Variants in SLC4A8 observed in about 807,000 individuals in gnomAD.
SLC4A8 encodes the protein solute carrier family 4 member 8.
In SLC4A8, 40 loss-of-function variants were observed where a neutral mutation model predicts 125.0. The ratio of observed to expected loss-of-function variants is 0.32; its 90% CI spans 0.25 to 0.42. The LOEUF (loss-of-function observed/expected upper bound fraction) is 0.42. SLC4A8 is among the 10% of genes least tolerant of loss of function. The pLI is 1.00. For synonymous variants in SLC4A8, 456 were observed against 476.0 expected, an observed-to-expected ratio of 0.96 and a Z score of 0.55; for missense variants, 863 against 1,355.1, an observed-to-expected ratio of 0.64 and a Z score of 5.70.
chr12:51,396,421 C>G (rs1288791904), intron 1 of SLC4A8, among the ~76,000 whole-genome samples: 2 of 152,124 alleles, frequency 1.3e-5, no homozygotes, highest in Non-Finnish European at 2.9e-5. Flanking sequence ...GGGCACTTCT[C>G]TTGAGTGCAA....
intron 4 of SLC4A8, 34 bp from the exon 5 acceptor site, chr12:51,453,505 A>G (rs537402929): frequency 1.2e-6 from 2 of 1,602,462 alleles, no homozygotes; most frequent in South Asian, 1.1e-5. Context: ...CTCATTTTCT[A>G]TCTTTGGCAT....
chr12:51,458,635 T>C lies in SLC4A8; in HGVS notation c.840T>C (p.Pro280=), dbSNP rs1950228964. The change falls in exon 7 of 25, where the codon CCT becomes CCC. Residue 280 remains proline (P), a synonymous_variant. Transcript: ENST00000453097. Reference sequence around the variant, plus strand: ...ATGGAGTGAATTGTGAACATAGTCCTGTGGATTTAAGCAAGGTGAGCAGAG... The same window carrying C: ...ATGGAGTGAATTGTGAACATAGTCCCGTGGATTTAAGCAAGGTGAGCAGAG... ...VKNGVNCEHS[P]VDLSKVDLHF... 6.2e-7 allele frequency: 1 copy of C among 1,613,146 alleles called. No homozygotes were observed. Among genetic ancestry groups the C allele is most frequent in the Non-Finnish European group, 8.5e-7 (1 of 1,179,084 alleles).
chr12:51,467,085 T>A (rs1950543292), intron 11 of SLC4A8, among the ~76,000 whole-genome samples: 1 of 152,134 alleles, frequency 6.6e-6, no homozygotes, highest in Non-Finnish European at 1.5e-5. Flanking sequence ...GGTAATAAGA[T>A]GCTATGTTAG....
chr12:51,404,179 G>A (rs576710512), intron 1 of SLC4A8, among the ~76,000 whole-genome samples: 1 of 152,296 alleles, frequency 6.6e-6, no homozygotes, highest in African/African-American at 2.4e-5. Context: ...GAAGGGGTTA[G>A]ATGGCTTTGG....
chr12:51,475,429 A>C (rs1439434441), intron 16 of SLC4A8, among the ~76,000 whole-genome samples: 2 of 152,228 alleles, frequency 1.3e-5, no homozygotes, highest in Non-Finnish European at 2.9e-5. Context: ...TACAAGTGCC[A>C]GTTAAGGTTA....
Position 51,462,470 on chromosome 12 carries a change from A to G in SLC4A8, c.1248+14A>G. 1.9e-6 allele frequency: 3 copies of G among 1,544,060 alleles called. No individual in the cohort carries two copies. Among genetic ancestry groups the G allele is most frequent in the Admixed American group, 4.2e-5 (2 of 47,308 alleles). On this transcript the variant is annotated intron_variant, in intron 10 of 24. Transcript: ENST00000453097. ...GTCCCTTCCCAGGTAATGTATGCAC[A>G]TCAGCCAATGTGGCTATTGTCACTT...
At chr12:51,459,812 T>G in intron 7 of SLC4A8, 139 bp from the exon 8 acceptor site, 43 of 683,138 alleles carry the variant, frequency 6.3e-5, no homozygotes, top group Non-Finnish European at 8.7e-5. Context: ...CAGAGAGCTG[T>G]GAGCTGAGAT....
chr12:51,415,925 A>G (rs562851043), intron 1 of SLC4A8, among the ~76,000 whole-genome samples: 3 of 151,370 alleles, frequency 2.0e-5, no homozygotes, highest in Non-Finnish European at 4.4e-5. Context: ...AAAATTAAAT[A>G]TAATAATATA....
intron 1 of SLC4A8, among the ~76,000 whole-genome samples, chr12:51,406,612 G>A (rs970825440): frequency 1.3e-5 from 2 of 152,244 alleles, no homozygotes; most frequent in Non-Finnish European, 2.9e-5. Flanking sequence ...AGGTAGGTAA[G>A]TGGGAGAGAT....
At chr12:51,453,762 G>A in intron 5 of SLC4A8, 63 bp downstream of exon 5, 4 of 1,504,652 alleles carry the variant, frequency 2.7e-6, no homozygotes, top group Non-Finnish European at 3.7e-6. Context: ...TGGGAAAAAA[G>A]GAGTGTGGCG....
chr12:51,403,180 G>C, intron 1 of SLC4A8: 1 of 392,494 alleles, frequency 2.5e-6, no homozygotes, highest in Non-Finnish European at 5.3e-6. Context: ...AAGAACAACA[G>C]CAACAAACTC....
At chr12:51,432,211 A>G (rs994823075) in intron 1 of SLC4A8, among the ~76,000 whole-genome samples, 1 of 151,702 alleles carries the variant, frequency 6.6e-6, no homozygotes. Flanking sequence ...GATCGAGACC[A>G]TCCTGGCTAA....
chr12:51,468,045 T>C (rs950697025), intron 11 of SLC4A8, among the ~76,000 whole-genome samples: 1 of 152,258 alleles, frequency 6.6e-6, no homozygotes, highest in Non-Finnish European at 1.5e-5. Flanking sequence ...TCCCATTCTG[T>C]AATAGTCCCT....
Position 51,510,619 on chromosome 12 carries a change from C to T in SLC4A8, c.*3181C>T, listed in dbSNP as rs991039763. ...GCCGTCTGTAAGATGCAAGATCAATCTAGTGTTTCAGCCAGTTCACTACTG... is the reference window on the plus strand; with the variant it reads ...GCCGTCTGTAAGATGCAAGATCAATTTAGTGTTTCAGCCAGTTCACTACTG... On this transcript the variant is annotated 3_prime_UTR_variant, in exon 25 of 25. Coordinates refer to ENST00000453097, the MANE Select transcript of SLC4A8 (RefSeq NM_001039960.3). The T allele has an allele frequency of 6.6e-6, 1 of 152,266 alleles. No individual in the cohort carries two copies. Among genetic ancestry groups the T allele is most frequent in the Middle Eastern group, 3.4e-3 (1 of 294 alleles). The allele number at this position is 152,266 out of a possible 1,614,324, so 9.4% of individuals were successfully genotyped here.
intron 1 of SLC4A8, among the ~76,000 whole-genome samples, chr12:51,402,021 G>C (rs545005653): frequency 1.9e-4 from 29 of 152,212 alleles, no homozygotes; most frequent in African/African-American, 6.3e-4. Context: ...TCCTCCTTCA[G>C]CCTCCCAAAG....
chr12:51,450,864 G>C lies in SLC4A8; in HGVS notation c.131-12G>C, dbSNP rs1448091302. On this transcript the variant is annotated splice_polypyrimidine_tract_variant and intron_variant, in intron 2 of 24. Coordinates refer to ENST00000453097, the MANE Select transcript of SLC4A8 (RefSeq NM_001039960.3). ...AAGGAGTTCTCTCCACAGACCTTCT[G>C]CTTCTTTCCAGGTCACAGAACTCTG... 2 of 1,613,332 alleles carry C rather than the reference G, an allele frequency of 1.2e-6. No homozygotes were observed. The highest frequency in any genetic ancestry group is 1.7e-6 in the Non-Finnish European group (2 of 1,179,586).
rs1376839798 is a variant in SLC4A8 at position 51,504,052 on chromosome 12, T to G, written c.3105T>G (p.Ile1035Met). The change falls in exon 23 of 25, where the codon ATT becomes ATG. Residue 1035 changes from isoleucine (I) to methionine (M), a missense_variant. By Grantham distance (10) the Ile-to-Met change is conservative (BLOSUM62 1). Around this residue, in one of 6 missense-constraint regions of SLC4A8, gnomAD observed 92 missense variants for 125.6 expected, o/e 0.73. Transcript: ENST00000453097. ...AGGAGGCTGAGAAAATGTTAGAAATTGGGGGAGACAAGTTTCCCTTAGAGA... is the reference window on the plus strand; with the variant it reads ...AGGAGGCTGAGAAAATGTTAGAAATGGGGGGAGACAAGTTTCCCTTAGAGA... ...EEEEAEKMLE[I>M]GGDKFPLESR... The G allele has an allele frequency of 6.3e-7, 1 of 1,584,766 alleles. No individual in the cohort carries two copies. Among genetic ancestry groups the G allele is most frequent in the Non-Finnish European group, 8.6e-7 (1 of 1,163,356 alleles).
chr12:51,426,827 G>A lies in SLC4A8; in HGVS notation c.48+1792G>A, dbSNP rs58804675. ...TGAGGAACAAGGGGAAGCCACTGAA[G>A]GGGTTTAAGTAGAGGGGAAAGGGGA... is the stretch of plus-strand genomic sequence containing the variant. On this transcript the variant is annotated intron_variant, in intron 1 of 24. Coordinates refer to ENST00000453097, the MANE Select transcript of SLC4A8 (RefSeq NM_001039960.3). 4.6e-3 allele frequency among the ~76,000 whole-genome samples: 697 copies of A among 152,170 alleles called. 8 individuals carry two copies. The highest frequency in any genetic ancestry group is 0.016 in the African/African-American group (663 of 41,490).
At chr12:51,488,624 T>C in intron 17 of SLC4A8, 75 bp from the exon 18 acceptor site, 1 of 1,144,420 alleles carries the variant, frequency 8.7e-7, no homozygotes, top group Non-Finnish European at 1.2e-6. Flanking sequence ...AATATGGATA[T>C]TGTGATCCAG....
Sources: allele counts gnomAD v4.1 joint callset (sites outside exome capture counted in the v4.1 genomes callset), GRCh38; gene constraint gnomAD v4.1.1; regional missense constraint gnomAD v4.1.1; transcripts MANE v1.5; gene names NCBI Gene and HGNC (gene_info 2026-07-23, HGNC 2026-07-21).